CSNK1G1: variants seen among roughly 807,000 people sequenced by gnomAD.
CSNK1G1 encodes casein kinase 1 gamma 1, also known as casein kinase I isoform gamma-1.
CSNK1G1 carries 22 observed loss-of-function variants against 59.6 expected under a neutral mutation model. The ratio of observed to expected loss-of-function variants is 0.37; its 90% confidence interval spans 0.26 to 0.53. CSNK1G1 has a LOEUF of 0.53. Among genes scored for constraint, CSNK1G1 ranks in the 20% least tolerant of loss-of-function variants. CSNK1G1 has a pLI of 0.89. For missense variants in CSNK1G1, 384 were observed against 519.5 expected (o/e 0.74, Z 2.54); for synonymous variants, 179 against 177.1 (o/e 1.01, Z -0.08).
At chr15:64,201,496 C>A (rs975871816) in intron 10 of CSNK1G1, among the ~76,000 whole-genome samples, 1 of 152,074 alleles carries the variant, frequency 6.6e-6, no homozygotes, top group African/African-American at 2.4e-5. Flanking sequence ...TAAACAACGA[C>A]TTTAAAGGAT....
At chr15:64,180,230 G>A in intron 11 of CSNK1G1, 118 bp downstream of exon 11, 1 of 736,894 alleles carries the variant, frequency 1.4e-6, no homozygotes, top group South Asian at 1.6e-5. Flanking sequence ...AGTTAAGGAA[G>A]AAAGCTGTGG....
intron 1 of CSNK1G1, among the ~76,000 whole-genome samples, chr15:64,306,054 G>A (rs1198289466): frequency 1.3e-5 from 2 of 152,094 alleles, no homozygotes; most frequent in African/African-American, 4.8e-5. Context: ...ATATGCCATA[G>A]GAAAAAATCT....
intron 3 of CSNK1G1, among the ~76,000 whole-genome samples, chr15:64,257,516 T>G (rs1001270897): frequency 6.6e-5 from 10 of 152,112 alleles, no homozygotes; most frequent in Non-Finnish European, 1.2e-4. Flanking sequence ...AATTAAAAAA[T>G]ATGGTTAATA....
chr15:64,267,027 G>A (rs1893021726), intron 2 of CSNK1G1, among the ~76,000 whole-genome samples: 1 of 152,098 alleles, frequency 6.6e-6, no homozygotes, highest in Admixed American at 6.6e-5. Context: ...AGGCCGAGGT[G>A]GGTGGATCAC....
At chr15:64,271,232 C>G (rs551518542) in intron 2 of CSNK1G1, among the ~76,000 whole-genome samples, 1 of 152,054 alleles carries the variant, frequency 6.6e-6, no homozygotes, top group African/African-American at 2.4e-5. Flanking sequence ...AAGTGATCCG[C>G]CTGTCTCAGC....
intron 1 of CSNK1G1, among the ~76,000 whole-genome samples, chr15:64,350,900 C>T (rs1898248467): frequency 6.6e-6 from 1 of 151,886 alleles, no homozygotes; most frequent in Admixed American, 6.6e-5. Flanking sequence ...GAAGTAAATC[C>T]ATTCTTTTTC....
chr15:64,199,250 C>CAAAA (rs56819260), intron 10 of CSNK1G1, among the ~76,000 whole-genome samples: 16 of 52,316 alleles, frequency 3.1e-4, no homozygotes, highest in South Asian at 6.1e-4. Flanking sequence ...AATCTTTTCT[C>CAAAA]AAAAAAAAAA....
At chr15:64,231,952 T>C (rs985938926) in intron 4 of CSNK1G1, among the ~76,000 whole-genome samples, 4 of 152,222 alleles carry the variant, frequency 2.6e-5, no homozygotes, top group African/African-American at 7.2e-5. Context: ...GATCATCTTA[T>C]TTATAATTCT....
chr15:64,344,993 T>C (rs1456613421), intron 1 of CSNK1G1, among the ~76,000 whole-genome samples: 1 of 152,184 alleles, frequency 6.6e-6, no homozygotes, highest in African/African-American at 2.4e-5. Flanking sequence ...ACACAGACAG[T>C]TCCTAGTTGA....
At chr15:64,277,234 G>A (rs1213910083) in intron 2 of CSNK1G1, among the ~76,000 whole-genome samples, 1 of 152,118 alleles carries the variant, frequency 6.6e-6, no homozygotes, top group Non-Finnish European at 1.5e-5. Context: ...GGAGGTCAAG[G>A]TGAGAGAATC....
chr15:64,324,579 G>A (rs188257783), intron 1 of CSNK1G1, among the ~76,000 whole-genome samples: 209 of 152,342 alleles, frequency 1.4e-3, no homozygotes, highest in African/African-American at 4.7e-3. Context: ...ACTGGAGGCT[G>A]CACTGTCTGC....
chr15:64,253,215 C>T (rs564528767), intron 3 of CSNK1G1, among the ~76,000 whole-genome samples: 2 of 152,110 alleles, frequency 1.3e-5, no homozygotes, highest in African/African-American at 4.8e-5. Context: ...CAGGGAGGCA[C>T]GCTCCTGTAG....
intron 2 of CSNK1G1, among the ~76,000 whole-genome samples, chr15:64,266,415 GGAA>G (rs950613149): frequency 1.3e-5 from 2 of 151,822 alleles, no homozygotes; most frequent in African/African-American, 4.8e-5. Flanking sequence ...ATAAAAAATC[GGAA>G]GAATATTGTT....
At chr15:64,215,093 G>A (rs2082293870) in intron 5 of CSNK1G1, among the ~76,000 whole-genome samples, 1 of 151,518 alleles carries the variant, frequency 6.6e-6, no homozygotes, top group Admixed American at 6.6e-5. Context: ...GAGCCACCAT[G>A]CCTGGCCAGG....
At chr15:64,322,345 C>T (rs1159949960) in intron 1 of CSNK1G1, among the ~76,000 whole-genome samples, 1 of 152,012 alleles carries the variant, frequency 6.6e-6, no homozygotes, top group Non-Finnish European at 1.5e-5. Context: ...GTTTTCTTTT[C>T]TCTCTCTTTT....
intron 1 of CSNK1G1, among the ~76,000 whole-genome samples, chr15:64,347,997 T>C (rs1437459273): frequency 6.8e-6 from 1 of 147,874 alleles, no homozygotes; most frequent in East Asian, 2.0e-4. Flanking sequence ...AGAGCACAAC[T>C]CTGTGTCAAA....
intron 4 of CSNK1G1, among the ~76,000 whole-genome samples, chr15:64,229,538 C>CTT (rs1445946790): frequency 4.6e-5 from 7 of 152,026 alleles, no homozygotes; most frequent in Admixed American, 3.9e-4. Context: ...TTCTCTCTCT[C>CTT]TCTCTCTCTC....
At chr15:64,279,080 T>C (rs1312770898) in intron 2 of CSNK1G1, among the ~76,000 whole-genome samples, 1 of 152,240 alleles carries the variant, frequency 6.6e-6, no homozygotes, top group African/African-American at 2.4e-5. Flanking sequence ...CTTGCACAAA[T>C]GATCCACCTT....
At chr15:64,191,826 A>G (rs1318553521) in intron 10 of CSNK1G1, among the ~76,000 whole-genome samples, 1 of 152,220 alleles carries the variant, frequency 6.6e-6, no homozygotes, top group African/African-American at 2.4e-5. Context: ...TACAGATGTG[A>G]ACCTAGGGGT....
Sources: allele counts gnomAD v4.1 joint callset (sites outside exome capture counted in the v4.1 genomes callset), GRCh38; gene constraint gnomAD v4.1.1; transcripts MANE v1.5; gene names NCBI Gene and HGNC (gene_info 2026-07-23, HGNC 2026-07-21).